The following ANKRD30BL variants were observed in gnomAD, a reference collection of about 807,000 sequenced individuals.
The protein encoded by ANKRD30BL is ankyrin repeat domain 30B like, also known as putative ankyrin repeat domain-containing protein 30B-like.
ANKRD30BL carries 20 observed loss-of-function variants against 18.4 expected under a neutral mutation model. The observed-to-expected ratio is 1.09, with a 90% CI of 0.77 to 1.58. The LOEUF (loss-of-function observed/expected upper bound fraction) is 1.58. ANKRD30BL is among the 40% of genes most tolerant of loss of function. The pLI, the probability that ANKRD30BL is intolerant of heterozygous loss-of-function variation, is 0.00. For synonymous variants in ANKRD30BL, 72 were observed against 100.9 expected, an observed-to-expected ratio of 0.71 and a Z score of 1.72; for missense variants, 224 against 268.6, an observed-to-expected ratio of 0.83 and a Z score of 1.16.
intron 1 of ANKRD30BL, among the ~76,000 whole-genome samples, chr2:132,254,208 G>A (rs1243498738): frequency 1.3e-5 from 2 of 151,022 alleles, no homozygotes; most frequent in Admixed American, 6.7e-5. Flanking sequence ...TCTCCCTCCC[G>A]AGTTCTCTGG....
At chr2:132,241,161 A>G (rs1680307751) in intron 1 of ANKRD30BL, among the ~76,000 whole-genome samples, 1 of 151,816 alleles carries the variant, frequency 6.6e-6, no homozygotes, top group Non-Finnish European at 1.5e-5. Flanking sequence ...TCTATGGTGA[A>G]AAAAGAAATA....
chr2:132,163,576 T>C (rs1183231713), upstream of ANKRD30BL, among the ~76,000 whole-genome samples: 4 of 152,256 alleles, frequency 2.6e-5, no homozygotes, highest in African/African-American at 4.8e-5. Context: ...CTAGTCACTA[T>C]ATCTTATCTA....
intron 1 of ANKRD30BL, among the ~76,000 whole-genome samples, chr2:132,195,788 CAAAAAAAAAAAA>C (rs1205804103): frequency 1.0e-4 from 5 of 48,672 alleles, no homozygotes; most frequent in African/African-American, 2.1e-4. Context: ...GAGCCTCTGC[CAAAAAAAAAAAA>C]AAAAAAAAAA....
chr2:132,215,114 C>T (rs564756702), intron 1 of ANKRD30BL, among the ~76,000 whole-genome samples: 4 of 151,846 alleles, frequency 2.6e-5, no homozygotes, highest in African/African-American at 9.7e-5. Flanking sequence ...TTTTGAGACA[C>T]TCTTTTTGCA....
At chr2:132,202,044 A>G (rs1406932966) in intron 1 of ANKRD30BL, among the ~76,000 whole-genome samples, 5 of 152,168 alleles carry the variant, frequency 3.3e-5, no homozygotes, top group African/African-American at 1.2e-4. Context: ...TCGCAAGAAC[A>G]AAAAACCAAA....
chr2:132,233,640 C>G (rs1474552966), intron 1 of ANKRD30BL, among the ~76,000 whole-genome samples: 2 of 151,284 alleles, frequency 1.3e-5, no homozygotes, highest in African/African-American at 4.9e-5. Context: ...AGCTAACTAT[C>G]CTAAATCTAT....
intron 1 of ANKRD30BL, among the ~76,000 whole-genome samples, chr2:132,167,720 C>T (rs1364395841): frequency 3.9e-5 from 6 of 152,170 alleles, no homozygotes; most frequent in South Asian, 2.1e-4. Flanking sequence ...TAAAAATTTG[C>T]GGTGGTTTTC....
At chr2:132,226,220 T>C (rs1365043578) in intron 1 of ANKRD30BL, among the ~76,000 whole-genome samples, 3 of 150,490 alleles carry the variant, frequency 2.0e-5, no homozygotes, top group Non-Finnish European at 4.4e-5. Context: ...CTGAAACTTC[T>C]TGGTGATGTG....
upstream of ANKRD30BL, among the ~76,000 whole-genome samples, chr2:132,164,475 G>A (rs1480510696): frequency 2.0e-5 from 3 of 151,546 alleles, no homozygotes; most frequent in Non-Finnish European, 4.4e-5. Flanking sequence ...CTTTTTAGTA[G>A]AGATAGGGTT....
At chr2:132,164,394 G>A (rs1688150009), upstream of ANKRD30BL, among the ~76,000 whole-genome samples, 1 of 150,274 alleles carries the variant, frequency 6.7e-6, no homozygotes, top group Non-Finnish European at 1.5e-5. Flanking sequence ...AGGTTCAAGC[G>A]ATTCTCCTGC....
At chr2:132,250,433 CA>C (rs1466143440) in intron 1 of ANKRD30BL, among the ~76,000 whole-genome samples, 3 of 152,224 alleles carry the variant, frequency 2.0e-5, no homozygotes, top group African/African-American at 7.2e-5. Flanking sequence ...TTAGGACCAA[CA>C]TGAGCATTTA....
At chr2:132,257,491 C>G (rs1433507284) in intron 1 of ANKRD30BL, 11 of 259,304 alleles carry the variant, frequency 4.2e-5, no homozygotes, top group Non-Finnish European at 6.7e-5. Flanking sequence ...GGGTCCCCAC[C>G]GCGGAGGCTG....
chr2:132,173,831 A>C (rs572172574), intron 1 of ANKRD30BL, among the ~76,000 whole-genome samples: 3 of 152,274 alleles, frequency 2.0e-5, no homozygotes, highest in South Asian at 4.1e-4. Flanking sequence ...CTGGCCATGT[A>C]AATATCCACA....
rs1377025045 is a variant in ANKRD30BL, at chr2:132,205,635, A to G, written n.442-48489T>C. 3.3e-5 allele frequency among the ~76,000 whole-genome samples: 5 copies of G among 151,744 alleles called. No individual in the cohort carries two copies. The East Asian group carries it at 9.7e-4, about 29-fold the overall frequency. On this transcript the variant is annotated intron_variant and non_coding_transcript_variant, in intron 1 of 4. Transcript: ENST00000470729. ...AAAAGAAAAAAGAAAAAAAGAAAAA[A>G]AAGAAAGAAAAAAATAAAAGAAAAA...
At chr2:132,203,448 A>T (rs12993665) in intron 1 of ANKRD30BL, among the ~76,000 whole-genome samples, 14 of 149,584 alleles carry the variant, frequency 9.4e-5, no homozygotes, top group Admixed American at 2.0e-4. Flanking sequence ...CTTGAATTGC[A>T]CTATGTTCAA....
At chr2:132,208,089 A>G (rs1297305390) in intron 1 of ANKRD30BL, among the ~76,000 whole-genome samples, 2 of 152,118 alleles carry the variant, frequency 1.3e-5, no homozygotes, top group Non-Finnish European at 2.9e-5. Flanking sequence ...CCATAGGAAA[A>G]TTCTGCCTCT....
intron 1 of ANKRD30BL, among the ~76,000 whole-genome samples, chr2:132,195,517 A>C (rs1678944406): frequency 1.3e-5 from 2 of 151,932 alleles, no homozygotes; most frequent in Admixed American, 1.3e-4. Flanking sequence ...AGGGCCAGGC[A>C]TGGTGGCTCA....
rs60574470 is a variant in ANKRD30BL, at chr2:132,241,675, G to C, written n.441+15854C>G. Among the ~76,000 whole-genome samples, 1,259 of 151,304 alleles carry C rather than the reference G, an allele frequency of 8.3e-3. 13 individuals are homozygous for C. Among genetic ancestry groups the C allele is most frequent in the African/African-American group, 0.028 (1,176 of 41,370 alleles). On this transcript the variant is annotated intron_variant and non_coding_transcript_variant, in intron 1 of 4. Transcript: ENST00000470729. ...ATAGCTTTGTGGTTTTGTTGGAAAC[G>C]GGAATAGCTTCACACAAAAACTTCA... is the stretch of plus-strand genomic sequence containing the variant.
chr2:132,237,464 A>C (rs1304144276), intron 1 of ANKRD30BL, among the ~76,000 whole-genome samples: 1 of 152,090 alleles, frequency 6.6e-6, no homozygotes, highest in African/African-American at 2.4e-5. Context: ...AAAACTAGAC[A>C]GAAGCATTCT....
Sources: allele counts gnomAD v4.1 joint callset (sites outside exome capture counted in the v4.1 genomes callset), GRCh38; gene constraint gnomAD v4.1.1; transcripts MANE v1.5; gene names NCBI Gene and HGNC (gene_info 2026-07-23, HGNC 2026-07-21).